Variants in ABCA12 observed in about 807,000 individuals in gnomAD.
The protein encoded by ABCA12 is ATP binding cassette subfamily A member 12.
In ABCA12, 156 loss-of-function variants were observed where a neutral mutation model predicts 293.5. The ratio of observed to expected loss-of-function variants is 0.53; its 90% CI spans 0.47 to 0.61. The LOEUF is 0.61. Among genes scored for constraint, ABCA12 ranks in the 20% least tolerant of loss-of-function variants. The probability of loss-of-function intolerance (pLI) is 0.00; values close to 1 mark genes in which losing one functional copy is unlikely to be tolerated. For missense variants in ABCA12, 2,797 were observed against 3,090.2 expected, an observed-to-expected ratio of 0.91 and a Z score of 2.25; for synonymous variants, 1,063 against 1,108.0, an observed-to-expected ratio of 0.96 and a Z score of 0.81.
chr2:214,983,750 C>A lies in ABCA12; in HGVS notation c.4279G>T (p.Asp1427Tyr). Reference protein sequence around the residue: ...RKNMGVCMQHDVLFSYLTTKE... With the variant: ...RKNMGVCMQHYVLFSYLTTKE... ...GTAGTGAGGTAACTGAACAAGACGT[C>A]GTGCTGCATACAGACTCCCATGTTC... Residue 1427 changes from aspartate to tyrosine, a missense_variant, in exon 29 of 53, where the codon GAC (aspartate) becomes TAC (tyrosine). Around this residue, in one of 3 missense-constraint regions of ABCA12, gnomAD observed 2,130 missense variants for 2,427.0 expected, o/e 0.88. Transcript: ENST00000272895. The A allele has an allele frequency of 6.2e-7, 1 of 1,614,100 alleles. No homozygotes were observed. Among genetic ancestry groups the A allele is most frequent in the Non-Finnish European group, 8.5e-7 (1 of 1,180,008 alleles).
intron 52 of ABCA12, among the ~76,000 whole-genome samples, chr2:214,933,707 C>T (rs562930015): frequency 2.0e-5 from 3 of 152,260 alleles, no homozygotes; most frequent in African/African-American, 7.2e-5. Flanking sequence ...ATTACCCTGT[C>T]CAACCCTAAT....
chr2:215,057,957 G>A (rs1454321226), intron 3 of ABCA12, among the ~76,000 whole-genome samples: 1 of 151,974 alleles, frequency 6.6e-6, no homozygotes, highest in Non-Finnish European at 1.5e-5. Flanking sequence ...GTAAAATAAT[G>A]GGCAAGTAAA....
At chr2:215,121,855 CCTT>C (rs1258968166) in intron 1 of ABCA12, among the ~76,000 whole-genome samples, 2 of 152,148 alleles carry the variant, frequency 1.3e-5, no homozygotes, top group African/African-American at 4.8e-5. Context: ...TATCTTTGCT[CCTT>C]CTTTGCCTTC....
chr2:215,081,550 CA>C (rs1411438715), intron 2 of ABCA12, among the ~76,000 whole-genome samples: 1 of 136,852 alleles, frequency 7.3e-6, no homozygotes, highest in African/African-American at 2.7e-5. Context: ...AAGAAACAAA[CA>C]AAAAAATGGG....
chr2:214,975,971 A>G lies in ABCA12; in HGVS notation c.5195T>C (p.Ile1732Thr). Residue 1732 changes from isoleucine (I) to threonine (T), a missense_variant, in exon 34 of 53, where the codon ATA becomes ACA. Physicochemically the swap from Ile to Thr is moderately conservative, Grantham distance 89. Transcript: ENST00000272895. Reference protein sequence around the residue: ...FGLLLKKIMAILIKRFHHTRR... With the variant: ...FGLLLKKIMATLIKRFHHTRR... ...GGTGTGGTGGAACCTCTTGATGAGT[A>G]TAGCCATGATCTTCTTCAGCAACAG... 5.0e-6 allele frequency: 8 copies of G among 1,614,116 alleles called. No individual in the cohort carries two copies. The highest frequency in any genetic ancestry group is 6.8e-6 in the Non-Finnish European group (8 of 1,179,998).
intron 7 of ABCA12, among the ~76,000 whole-genome samples, chr2:215,038,584 AT>A (rs1266649453): frequency 6.6e-6 from 1 of 152,124 alleles, no homozygotes; most frequent in Non-Finnish European, 1.5e-5. Context: ...CACCTCAGGC[AT>A]TTTTATGTTT....
chr2:215,109,486 C>A lies in ABCA12; in HGVS notation c.163+2111G>T, dbSNP rs73987802. Among the ~76,000 whole-genome samples, 173 of 152,256 alleles carry A rather than the reference C, an allele frequency of 1.1e-3. 1 individual carries two copies. Among genetic ancestry groups the A allele is most frequent in the African/African-American group, 4.1e-3 (169 of 41,556 alleles). On this transcript the variant is annotated intron_variant, in intron 2 of 52. Transcript: ENST00000272895. ...CTAAGAGACTAACAAACATACTTTC[C>A]GTGTTTGAACCATCCTATAATTTTG... is the stretch of plus-strand genomic sequence containing the variant.
chr2:214,980,341 G>A (rs916012689), intron 31 of ABCA12, 142 bp downstream of exon 31: 122 of 1,215,282 alleles, frequency 1.0e-4, no homozygotes, highest in Non-Finnish European at 1.2e-4. Flanking sequence ...CCAGGATTTC[G>A]ATGCTCACTC....
At chr2:215,132,129 T>TTTGAATTTGAATTTGAAA in intron 1 of ABCA12, among the ~76,000 whole-genome samples, 1 of 152,170 alleles carries the variant, frequency 6.6e-6, no homozygotes, top group African/African-American at 2.4e-5. Context: ...TTTTTTTGAA[T>TTTGAATTTGAATTTGAAA]TTATTGAGAC....
In ABCA12 at chr2:215,049,175, C is replaced by T. The variant is rs1307340123; in HGVS notation, c.693+451G>A. Among the ~76,000 whole-genome samples, 4 of 152,214 alleles carry T rather than the reference C, an allele frequency of 2.6e-5. No homozygotes were observed. In the East Asian group the frequency reaches 7.7e-4, roughly 29 times the overall value. ...CCTAAAATAAAAGTTTTTGAAAATT[C>T]ACAATTAAAGAAAAATTAGCTTTTC... On this transcript the variant is annotated intron_variant, in intron 6 of 52. Coordinates refer to ENST00000272895, the MANE Select transcript of ABCA12 (RefSeq NM_173076.3).
chr2:215,042,150 G>A (rs189431222), intron 7 of ABCA12: 1 of 152,300 alleles, frequency 6.6e-6, no homozygotes, highest in Non-Finnish European at 1.5e-5. Flanking sequence ...TAAAAGGGCA[G>A]AGCTCATGTT....
intron 2 of ABCA12, among the ~76,000 whole-genome samples, chr2:215,089,216 T>C (rs1378782467): frequency 6.6e-6 from 1 of 152,066 alleles, no homozygotes; most frequent in East Asian, 1.9e-4. Context: ...TCCCAGGCCT[T>C]ATTTATGCTC....
intron 22 of ABCA12, among the ~76,000 whole-genome samples, chr2:214,999,043 A>C (rs921727677): frequency 6.6e-6 from 1 of 152,216 alleles, no homozygotes; most frequent in Non-Finnish European, 1.5e-5. Flanking sequence ...TTTAGCATGC[A>C]GAAGTGTGTC....
chr2:214,957,262 G>A (rs954191532), intron 41 of ABCA12, among the ~76,000 whole-genome samples: 3 of 152,132 alleles, frequency 2.0e-5, no homozygotes, highest in African/African-American at 7.2e-5. Flanking sequence ...ACAGGTATAC[G>A]AACAAAGAAC....
At chr2:215,113,539 C>A (rs980285649) in intron 1 of ABCA12, among the ~76,000 whole-genome samples, 2 of 152,132 alleles carry the variant, frequency 1.3e-5, no homozygotes, top group Non-Finnish European at 2.9e-5. Context: ...GATGCTGATG[C>A]AGCTGGTCCA....
Position 215,072,115 on chromosome 2 carries a change from C to T in ABCA12, c.164-7896G>A, listed in dbSNP as rs139290174. Among the ~76,000 whole-genome samples, 4 of 152,244 alleles carry T rather than the reference C, an allele frequency of 2.6e-5. No individual in the cohort carries two copies. The East Asian group carries it at 7.8e-4, about 30-fold the overall frequency. On this transcript the variant is annotated intron_variant, in intron 2 of 52. Coordinates refer to ENST00000272895, the MANE Select transcript of ABCA12 (RefSeq NM_173076.3). Reference sequence around the variant, plus strand: ...CCTGAAAGCAGTGATTAAGGAGTTCCTGTACTCAAAACGTTGGCACCTGAA... The same window carrying T: ...CCTGAAAGCAGTGATTAAGGAGTTCTTGTACTCAAAACGTTGGCACCTGAA...
chr2:215,018,667 C>T (rs1046766839), intron 13 of ABCA12, among the ~76,000 whole-genome samples: 16 of 152,114 alleles, frequency 1.1e-4, no homozygotes, highest in South Asian at 2.1e-4. Context: ...TCTTTTAGGA[C>T]GGTGATTATA....
intron 15 of ABCA12, among the ~76,000 whole-genome samples, chr2:215,013,986 G>T (rs1700433814): frequency 6.6e-6 from 1 of 152,140 alleles, no homozygotes; most frequent in Non-Finnish European, 1.5e-5. Context: ...TTCAAGACCA[G>T]CCTGGCCAAC....
chr2:215,114,123 T>C (rs1297892511), intron 1 of ABCA12, among the ~76,000 whole-genome samples: 5 of 152,076 alleles, frequency 3.3e-5, no homozygotes, highest in African/African-American at 7.2e-5. Flanking sequence ...TACAGGCACA[T>C]GCCACCATGC....
Sources: gnomAD v4.1 joint callset for allele counts (sites outside exome capture counted in the v4.1 genomes callset) on GRCh38, gnomAD v4.1.1 for gene constraint, gnomAD v4.1.1 regional missense constraint, MANE v1.5 for transcripts, NCBI Gene and HGNC (gene_info 2026-07-23, HGNC 2026-07-21) for gene names.